The following PAPPA2 variants were observed in gnomAD, a reference collection of about 807,000 sequenced individuals.
PAPPA2 encodes pappalysin 2.
A neutral mutation model predicts 176.4 loss-of-function variants in PAPPA2; 86 were observed. The ratio of observed to expected loss-of-function variants is 0.49; its 90% CI spans 0.41 to 0.58. The LOEUF is 0.58. Ranked by LOEUF, PAPPA2 falls within the 20% of genes least tolerant of loss-of-function variation. The probability of loss-of-function intolerance (pLI) is 0.00; values close to 1 mark genes in which losing one functional copy is unlikely to be tolerated. For missense variants in PAPPA2, 2,073 were observed against 2,256.9 expected (o/e 0.92, Z 1.65); for synonymous variants, 809 against 852.2 (o/e 0.95, Z 0.88).
Position 176,556,685 on chromosome 1 carries a change from A to G in PAPPA2, c.363A>G (p.Ala121=). 1.9e-6 allele frequency: 3 copies of G among 1,614,172 alleles called. No homozygotes were observed. Among genetic ancestry groups the G allele is most frequent in the Non-Finnish European group, 2.5e-6 (3 of 1,179,994 alleles). ...LTENPAGLRG[A]VEEPAAPWVG... is the part of the protein sequence containing the mutation. The stretch of plus-strand genomic sequence containing the variant: ...AAAATCCAGCAGGACTGAGGGGTGC[A>G]GTTGAAGAGCCGGCTGCCCCATGGG... Residue 121 remains alanine (A), a synonymous_variant, in exon 2 of 23, where the codon GCA becomes GCG. Transcript: ENST00000367662.
At chr1:176,498,933 A>G (rs2102505329) in intron 1 of PAPPA2, among the ~76,000 whole-genome samples, 1 of 152,076 alleles carries the variant, frequency 6.6e-6, no homozygotes, top group East Asian at 1.9e-4. Flanking sequence ...GTGTATTACT[A>G]TTACTTTCCC....
At chr1:176,838,840 A>AGCT (rs1667374274) in intron 21 of PAPPA2, among the ~76,000 whole-genome samples, 1 of 152,254 alleles carries the variant, frequency 6.6e-6, no homozygotes, top group Admixed American at 6.5e-5. Flanking sequence ...CACAAGTAGC[A>AGCT]GCTTCTCAGC....
chr1:176,831,003 T>C lies in PAPPA2; in HGVS notation c.5203-9170T>C, dbSNP rs146482162. 6.3e-3 allele frequency among the ~76,000 whole-genome samples: 953 copies of C among 152,288 alleles called. 13 individuals carry two copies. The highest frequency in any genetic ancestry group is 0.021 in the African/African-American group (888 of 41,562). On this transcript the variant is annotated intron_variant, in intron 21 of 22. Transcript: ENST00000367662. ...GAATAAAATCTTGACAAATGAATTGTACAGGATCAGCTTCACTGGAGAAAA... is the reference window on the plus strand; with the variant it reads ...GAATAAAATCTTGACAAATGAATTGCACAGGATCAGCTTCACTGGAGAAAA...
intron 13 of PAPPA2, 44 bp downstream of exon 13, chr1:176,739,805 C>T (rs371768680): frequency 4.5e-5 from 72 of 1,604,708 alleles, no homozygotes; most frequent in Admixed American, 1.2e-4. Context: ...GAGGACAACC[C>T]GGTAGACCCA....
chr1:176,828,112 G>A (rs893301507), intron 21 of PAPPA2, among the ~76,000 whole-genome samples: 4 of 152,062 alleles, frequency 2.6e-5, no homozygotes, highest in African/African-American at 7.2e-5. Flanking sequence ...GATGGTCAGG[G>A]CACAGGCCTG....
chr1:176,651,379 G>A (rs1291615322), intron 3 of PAPPA2, among the ~76,000 whole-genome samples: 2 of 151,362 alleles, frequency 1.3e-5, no homozygotes, highest in South Asian at 2.1e-4. Context: ...CATATATGAA[G>A]GATAGCTTTT....
chr1:176,596,911 C>T (rs1227543096), intron 3 of PAPPA2, among the ~76,000 whole-genome samples: 1 of 152,166 alleles, frequency 6.6e-6, no homozygotes, highest in Non-Finnish European at 1.5e-5. Flanking sequence ...CAACTGGTGC[C>T]TTTGTTCAAA....
At chr1:176,501,497 A>C (rs977587086) in intron 1 of PAPPA2, among the ~76,000 whole-genome samples, 15 of 152,150 alleles carry the variant, frequency 9.9e-5, no homozygotes, top group African/African-American at 2.9e-4. Flanking sequence ...CTGATGAAAC[A>C]TTTAAAAAAT....
At position 176,556,268 on chromosome 1, in the gene PAPPA2, C is replaced by A; in HGVS notation, c.-55C>A. The A allele has an allele frequency of 6.4e-7, 1 of 1,560,720 alleles. No homozygotes were observed. The highest frequency in any genetic ancestry group is 1.4e-5 in the African/African-American group (1 of 73,704). Reference sequence around the variant, plus strand: ...GCCTCTTTCTCGTCTGCCCATCACTCTGGTGTGGTACCCAGAAGTTGACTT... The same window carrying A: ...GCCTCTTTCTCGTCTGCCCATCACTATGGTGTGGTACCCAGAAGTTGACTT... On this transcript the variant is annotated 5_prime_UTR_variant, in exon 2 of 23. The change creates a new upstream start codon in the 5' untranslated region. Coordinates refer to ENST00000367662, the MANE Select transcript of PAPPA2 (RefSeq NM_020318.3).
At chr1:176,746,908 T>A (rs779351523) in intron 14 of PAPPA2, among the ~76,000 whole-genome samples, 3 of 152,192 alleles carry the variant, frequency 2.0e-5, no homozygotes. Flanking sequence ...TGCATGTGTG[T>A]ATTCATGTGC....
intron 3 of PAPPA2, among the ~76,000 whole-genome samples, chr1:176,656,534 C>G (rs561580059): frequency 6.6e-6 from 1 of 151,882 alleles, no homozygotes; most frequent in African/African-American, 2.4e-5. Flanking sequence ...AGGCATTACA[C>G]CAGGTTTAAA....
At chr1:176,841,996 A>G (rs1239608179) in intron 22 of PAPPA2, among the ~76,000 whole-genome samples, 1 of 152,198 alleles carries the variant, frequency 6.6e-6, no homozygotes, top group East Asian at 1.9e-4. Flanking sequence ...CCTACTTTAC[A>G]GGGAAAGTGA....
chr1:176,478,540 T>G (rs1261870733), intron 1 of PAPPA2, among the ~76,000 whole-genome samples: 1 of 152,204 alleles, frequency 6.6e-6, no homozygotes, highest in Admixed American at 6.5e-5. Flanking sequence ...AGAATAACAA[T>G]CACAGCCTCA....
At chr1:176,514,057 G>A (rs1230190787) in intron 1 of PAPPA2, among the ~76,000 whole-genome samples, 1 of 152,184 alleles carries the variant, frequency 6.6e-6, no homozygotes, top group Non-Finnish European at 1.5e-5. Context: ...TACTCCCTGT[G>A]TTTGTCTGTT....
chr1:176,785,747 T>A (rs180923231), intron 17 of PAPPA2, among the ~76,000 whole-genome samples: 1 of 152,264 alleles, frequency 6.6e-6, no homozygotes, highest in Non-Finnish European at 1.5e-5. Context: ...TTCTTCCCCA[T>A]CCAAGTTTGA....
intron 1 of PAPPA2, among the ~76,000 whole-genome samples, chr1:176,517,713 C>T (rs149824014): frequency 3.6e-4 from 55 of 152,190 alleles, no homozygotes; most frequent in African/African-American, 1.2e-3. Flanking sequence ...GACTTTTCAC[C>T]TCACTTTGGA....
intron 3 of PAPPA2, among the ~76,000 whole-genome samples, chr1:176,647,778 A>C (rs1657491159): frequency 6.6e-6 from 1 of 151,246 alleles, no homozygotes. Flanking sequence ...TCAATGGTTA[A>C]TGTTTTTTGT....
intron 17 of PAPPA2, among the ~76,000 whole-genome samples, chr1:176,774,240 C>T (rs976373244): frequency 3.9e-5 from 6 of 152,036 alleles, no homozygotes; most frequent in Admixed American, 1.3e-4. Context: ...GCTCATTCAC[C>T]CTGTAGCCTC....
At chr1:176,798,108 A>G (rs1665525345) in intron 20 of PAPPA2, among the ~76,000 whole-genome samples, 1 of 152,252 alleles carries the variant, frequency 6.6e-6, no homozygotes, top group South Asian at 2.1e-4. Context: ...AGATGTCAGT[A>G]TAAATTAATT....
Sources: allele counts gnomAD v4.1 joint callset (sites outside exome capture counted in the v4.1 genomes callset), GRCh38; gene constraint gnomAD v4.1.1; transcripts MANE v1.5; gene names NCBI Gene and HGNC (gene_info 2026-07-23, HGNC 2026-07-21).